Variants in ZNF131 observed in about 807,000 individuals in gnomAD.
ZNF131 encodes the protein zinc finger protein 131.
In ZNF131, 7 loss-of-function variants were observed where a neutral mutation model predicts 60.0. The observed-to-expected ratio is 0.12, with a 90% CI of 0.07 to 0.22. The LOEUF is 0.22. ZNF131 is among the 10% of genes least tolerant of loss of function. The probability of loss-of-function intolerance (pLI) is 1.00; values close to 1 mark genes in which losing one functional copy is unlikely to be tolerated. For synonymous variants in ZNF131, 257 were observed against 253.2 expected (o/e 1.01, Z -0.14); for missense variants, 493 against 740.9 (o/e 0.67, Z 3.88).
intron 3 of ZNF131, among the ~76,000 whole-genome samples, chr5:43,130,093 G>A (rs1056715335): frequency 2.0e-5 from 3 of 151,120 alleles, no homozygotes; most frequent in Admixed American, 6.6e-5. Flanking sequence ...CGGTGAAACC[G>A]TCTCTACTGA....
At chr5:43,128,922 TTTA>T (rs957589188) in intron 3 of ZNF131, among the ~76,000 whole-genome samples, 2 of 151,908 alleles carry the variant, frequency 1.3e-5, no homozygotes, top group Non-Finnish European at 2.9e-5. Context: ...TGTATTTTTA[TTTA>T]TTATTTATTA....
At chr5:43,145,947 G>A (rs1747524672) in intron 4 of ZNF131, among the ~76,000 whole-genome samples, 1 of 152,096 alleles carries the variant, frequency 6.6e-6, no homozygotes, top group Admixed American at 6.6e-5. Flanking sequence ...GGAAAGTTAT[G>A]GTAGAATTGG....
chr5:43,135,428 A>G (rs1008769722), intron 3 of ZNF131, among the ~76,000 whole-genome samples: 5 of 152,170 alleles, frequency 3.3e-5, no homozygotes, highest in Non-Finnish European at 7.4e-5. Context: ...TAGGTGAGAG[A>G]CATGCAATAC....
In ZNF131 at chr5:43,159,349, C is replaced by T. The variant is rs188759174; in HGVS notation, c.372-1900C>T. Among the ~76,000 whole-genome samples the T allele has an allele frequency of 4.7e-3, 715 of 152,096 alleles. 1 individual carries two copies. Among genetic ancestry groups the T allele is most frequent in the African/African-American group, 0.016 (675 of 41,482 alleles). ...AGGAGAATTGTCTCCCAACAGGTGT[C>T]GTCTTTTACTGAGTTTACTGAGTTG... On this transcript the variant is annotated intron_variant, in intron 4 of 6. Coordinates refer to ENST00000682664, the MANE Select transcript of ZNF131 (RefSeq NM_001330707.2).
At chr5:43,168,168 T>A (rs1750588020) in intron 5 of ZNF131, 2 of 243,602 alleles carry the variant, frequency 8.2e-6, no homozygotes, top group Admixed American at 1.1e-4. Context: ...CTCATGATCC[T>A]ATCACCTCTT....
At chr5:43,127,784 A>G (rs1217252730) in intron 3 of ZNF131, among the ~76,000 whole-genome samples, 2 of 152,194 alleles carry the variant, frequency 1.3e-5, no homozygotes, top group East Asian at 1.9e-4. Flanking sequence ...GATTCACACC[A>G]TATAAAATCT....
Position 43,161,420 on chromosome 5 carries a change from T to G in ZNF131, c.543T>G (p.Asp181Glu). 1 of 1,614,250 alleles carries G rather than the reference T, an allele frequency of 6.2e-7. No individual in the cohort carries two copies. Among genetic ancestry groups the G allele is most frequent in the Non-Finnish European group, 8.5e-7 (1 of 1,180,042 alleles). ...EIAEGTIEVE[D>E]EGIETLEEVA... ...CCGAAGGCACCATTGAAGTGGAAGATGAAGGCATCGAAACATTAGAGGAAG... is the reference window on the plus strand; with the variant it reads ...CCGAAGGCACCATTGAAGTGGAAGAGGAAGGCATCGAAACATTAGAGGAAG... The change falls in exon 5 of 7, where the codon GAT (aspartate) becomes GAG (glutamate). Residue 181 changes from aspartate (D) to glutamate (E), a missense_variant. Physicochemically the swap from Asp to Glu is conservative, Grantham distance 45. Around this residue, in one of 7 missense-constraint regions of ZNF131, gnomAD observed 138 missense variants for 158.7 expected, o/e 0.87. Transcript: ENST00000682664.
rs1751387689 is a variant in ZNF131 at position 43,174,734 on chromosome 5, A to T, written c.1473A>T (p.Ala491=). 1 of 1,614,240 alleles carries T rather than the reference A, an allele frequency of 6.2e-7. No homozygotes were observed. Residue 491 remains alanine, a synonymous_variant, in exon 7 of 7, where the codon GCA becomes GCT. Transcript: ENST00000682664. ...TGCTTCAGGTTCAGGTGGATTCAGC[A>T]CAAGTGACTGTGGAACAAGTCCATC... ...LPLLQVQVDS[A]QVTVEQVHPD...
chr5:43,160,086 G>C (rs181471373), intron 4 of ZNF131, among the ~76,000 whole-genome samples: 2 of 151,710 alleles, frequency 1.3e-5, no homozygotes, highest in African/African-American at 4.8e-5. Flanking sequence ...TGAGGCAGGA[G>C]AATGGCGTGA....
chr5:43,141,403 A>G (rs1746804310), intron 4 of ZNF131, among the ~76,000 whole-genome samples: 1 of 152,180 alleles, frequency 6.6e-6, no homozygotes, highest in South Asian at 2.1e-4. Context: ...GAGCCTTCCA[A>G]AAGAATGTTC....
chr5:43,137,285 A>G (rs1746240727), intron 3 of ZNF131, among the ~76,000 whole-genome samples: 1 of 152,202 alleles, frequency 6.6e-6, no homozygotes, highest in Non-Finnish European at 1.5e-5. Flanking sequence ...GAATGGGAGA[A>G]AGTATTTGCA....
chr5:43,164,208 T>C (rs1424993410), intron 5 of ZNF131, among the ~76,000 whole-genome samples: 1 of 152,188 alleles, frequency 6.6e-6, no homozygotes, highest in Non-Finnish European at 1.5e-5. Flanking sequence ...AAAATTATAG[T>C]ATTCCCAGGA....
chr5:43,165,999 A>T (rs1030469602), intron 5 of ZNF131, among the ~76,000 whole-genome samples: 1 of 152,242 alleles, frequency 6.6e-6, no homozygotes, highest in Non-Finnish European at 1.5e-5. Context: ...CTTAAATTTC[A>T]TTAACCTCTT....
Position 43,176,094 on chromosome 5 carries a change from G to C in ZNF131, c.*961G>C, listed in dbSNP as rs534652604. On this transcript the variant is annotated 3_prime_UTR_variant, in exon 7 of 7. Coordinates refer to ENST00000682664, the MANE Select transcript of ZNF131 (RefSeq NM_001330707.2). The stretch of plus-strand genomic sequence containing the variant: ...GTATATAATTATCAGGCTTTGTTTT[G>C]AATGGAATCTTTTCCCCCAATTCTT... 2 of 152,180 alleles carry C rather than the reference G, an allele frequency of 1.3e-5. No homozygotes were observed. Among genetic ancestry groups the C allele is most frequent in the African/African-American group, 2.4e-5 (1 of 41,422 alleles). The allele number at this position is 152,180 out of a possible 1,614,324, so 9.4% of individuals were successfully genotyped here. A position where few individuals can be genotyped will look rare whatever the true frequency, so the allele number is the denominator to read the frequency against.
chr5:43,128,893 A>G (rs1030042559), intron 3 of ZNF131, among the ~76,000 whole-genome samples: 9 of 151,776 alleles, frequency 5.9e-5, no homozygotes, highest in African/African-American at 2.2e-4. Flanking sequence ...AGCACATACC[A>G]CCAAGGCCAG....
chr5:43,141,103 G>C (rs766494180), intron 4 of ZNF131, among the ~76,000 whole-genome samples: 3 of 152,092 alleles, frequency 2.0e-5, no homozygotes, highest in Non-Finnish European at 2.9e-5. Context: ...TCATCTCTTA[G>C]TTTGACAGTT....
chr5:43,156,166 G>A (rs939311054), intron 4 of ZNF131, among the ~76,000 whole-genome samples: 1 of 152,168 alleles, frequency 6.6e-6, no homozygotes, highest in East Asian at 1.9e-4. Context: ...CATAGAATCA[G>A]CCGTACCACA....
At chr5:43,128,355 A>G (rs1360966610) in intron 3 of ZNF131, among the ~76,000 whole-genome samples, 3 of 152,156 alleles carry the variant, frequency 2.0e-5, no homozygotes, top group African/African-American at 7.2e-5. Context: ...GGCTGGTCAT[A>G]TAAGTTAGAA....
intron 4 of ZNF131, among the ~76,000 whole-genome samples, chr5:43,142,660 C>A (rs534184580): frequency 2.8e-4 from 40 of 141,628 alleles, no homozygotes; most frequent in South Asian, 1.7e-3. Context: ...ACCTCCCCAC[C>A]CCCATTCTGT....
Sources: allele counts gnomAD v4.1 joint callset (sites outside exome capture counted in the v4.1 genomes callset), GRCh38; gene constraint gnomAD v4.1.1; regional missense constraint gnomAD v4.1.1; transcripts MANE v1.5; gene names NCBI Gene and HGNC (gene_info 2026-07-23, HGNC 2026-07-21).